Variants in DMD observed in about 807,000 individuals in gnomAD.
DMD encodes dystrophin, also known as mutant dystrophin.
In DMD, 63 loss-of-function variants were observed where a neutral mutation model predicts 330.1. That is an observed-to-expected ratio of 0.19 (90% CI 0.16 to 0.24). DMD has a LOEUF of 0.24. DMD is among the 10% of genes least tolerant of loss of function. The probability of loss-of-function intolerance (pLI) is 1.00; values close to 1 mark genes in which losing one functional copy is unlikely to be tolerated. For synonymous variants in DMD, 1,223 were observed against 959.8 expected, an observed-to-expected ratio of 1.27 and a Z score of -5.07; for missense variants, 3,344 against 2,684.1, an observed-to-expected ratio of 1.25 and a Z score of -5.43.
At chrX:32,738,491 T>C (rs1343477152) in intron 7 of DMD, among the ~76,000 whole-genome samples, 1 of 111,629 alleles carries the variant, frequency 9.0e-6, no homozygotes, top group Non-Finnish European at 1.9e-5. Flanking sequence ...AAAGCAATTG[T>C]AAGGCTTAAA....
chrX:32,733,510 G>A (rs987680147), intron 7 of DMD, among the ~76,000 whole-genome samples: 12 of 110,798 alleles, frequency 1.1e-4, no homozygotes, highest in African/African-American at 4.0e-4. Flanking sequence ...CACATACTTG[G>A]AAGTAAAGCT....
intron 2 of DMD, 28 bp downstream of exon 2, chrX:33,020,111 T>G: frequency 8.7e-7 from 1 of 1,153,044 alleles, no homozygotes; most frequent in Non-Finnish European, 1.2e-6. Flanking sequence ...ACTTAGATCT[T>G]AAAAGTAAAG....
chrX:33,046,572 T>C (rs2147968410), intron 1 of DMD, among the ~76,000 whole-genome samples: 1 of 112,272 alleles, frequency 8.9e-6, no homozygotes, highest in South Asian at 3.7e-4. Context: ...ACTCTATCCA[T>C]TGATTGCCCA....
At chrX:32,404,470 A>G (rs774142021) in intron 30 of DMD, among the ~76,000 whole-genome samples, 1 of 111,432 alleles carries the variant, frequency 9.0e-6, no homozygotes, top group South Asian at 3.8e-4. Context: ...AAAAAATGAG[A>G]TCAGAATTCT....
intron 6 of DMD, among the ~76,000 whole-genome samples, chrX:32,812,734 C>A (rs2148777378): frequency 8.9e-6 from 1 of 112,312 alleles, no homozygotes; most frequent in Admixed American, 9.4e-5. Flanking sequence ...GAAATCGAAT[C>A]CCTCCATATT....
chrX:32,152,269 G>T (rs1380451269), intron 44 of DMD, among the ~76,000 whole-genome samples: 1 of 111,362 alleles, frequency 9.0e-6, no homozygotes, highest in East Asian at 2.8e-4. Context: ...TTTTAAAGAT[G>T]GGGGGTGGGC....
At chrX:32,459,122 G>T (rs962275645) in intron 25 of DMD, among the ~76,000 whole-genome samples, 1 of 110,650 alleles carries the variant, frequency 9.0e-6, no homozygotes, top group Non-Finnish European at 1.9e-5. Flanking sequence ...ATACTGTATT[G>T]TTAAAAATAT....
chrX:32,951,507 C>A (rs1477536732), intron 2 of DMD, among the ~76,000 whole-genome samples: 1 of 111,563 alleles, frequency 9.0e-6, no homozygotes, highest in Non-Finnish European at 1.9e-5. Context: ...CTGACATATT[C>A]TATTACCTTA....
intron 43 of DMD, among the ~76,000 whole-genome samples, chrX:32,229,713 TATATATATATATAA>T (rs2097161783): frequency 8.5e-5 from 7 of 81,877 alleles, no homozygotes; most frequent in African/African-American, 3.2e-4. Context: ...TATATATATA[TATATATATATATAA>T]AATCAAAGAG....
chrX:32,990,390 A>T (rs1342685733), intron 2 of DMD, among the ~76,000 whole-genome samples: 1 of 111,826 alleles, frequency 8.9e-6, no homozygotes, highest in South Asian at 3.7e-4. Flanking sequence ...AGTGCAGTGT[A>T]ATTCATCAGT....
At chrX:32,382,437 T>A (rs774307882) in intron 33 of DMD, among the ~76,000 whole-genome samples, 1 of 110,845 alleles carries the variant, frequency 9.0e-6, no homozygotes, top group South Asian at 3.7e-4. Flanking sequence ...ACACAAAAGA[T>A]AAAAATATGT....
intron 21 of DMD, among the ~76,000 whole-genome samples, chrX:32,474,783 ATT>A (rs2041052237): frequency 2.7e-5 from 3 of 111,166 alleles, no homozygotes; most frequent in African/African-American, 3.3e-5. Context: ...GATTGTGAAG[ATT>A]TTATCCCACT....
At chrX:32,021,962 A>G (rs187827393) in intron 44 of DMD, among the ~76,000 whole-genome samples, 2 of 112,119 alleles carry the variant, frequency 1.8e-5, no homozygotes, top group African/African-American at 6.5e-5. Flanking sequence ...TTCACCCTTA[A>G]GGATAAAAGG....
At chrX:31,371,762 A>G (rs748912106) in intron 60 of DMD, among the ~76,000 whole-genome samples, 4 of 111,829 alleles carry the variant, frequency 3.6e-5, no homozygotes, top group Non-Finnish European at 7.5e-5. Context: ...ACATACAAGG[A>G]GACAGAAAGA....
intron 67 of DMD, among the ~76,000 whole-genome samples, chrX:31,202,733 T>C (rs1389263430): frequency 9.0e-6 from 1 of 111,466 alleles, no homozygotes; most frequent in Non-Finnish European, 1.9e-5. Flanking sequence ...AAACCCTACA[T>C]AAGAAAAACA....
At chrX:32,568,487 A>G (rs1237072115) in intron 15 of DMD, among the ~76,000 whole-genome samples, 1 of 103,325 alleles carries the variant, frequency 9.7e-6, no homozygotes, top group East Asian at 3.2e-4. Context: ...AGCCTGGGCA[A>G]CAGAGCAAGA....
intron 44 of DMD, among the ~76,000 whole-genome samples, chrX:31,978,290 C>CT (rs1017953989): frequency 2.8e-5 from 3 of 109,048 alleles, no homozygotes; most frequent in African/African-American, 1.0e-4. Flanking sequence ...TGTTTTGTCC[C>CT]TTTTTTTTTC....
intron 55 of DMD, among the ~76,000 whole-genome samples, chrX:31,617,494 A>T (rs2078265922): frequency 1.1e-5 from 1 of 93,483 alleles, no homozygotes. Flanking sequence ...AGATTGCGCC[A>T]TTGCACTCCA....
intron 44 of DMD, among the ~76,000 whole-genome samples, chrX:32,015,153 T>C (rs2095750286): frequency 8.9e-6 from 1 of 111,864 alleles, no homozygotes; most frequent in Non-Finnish European, 1.9e-5. Flanking sequence ...AGATGTGATC[T>C]GGGCCCGGAA....
Sources: allele counts gnomAD v4.1 joint callset (sites outside exome capture counted in the v4.1 genomes callset), GRCh38; gene constraint gnomAD v4.1.1; transcripts MANE v1.5; gene names NCBI Gene and HGNC (gene_info 2026-07-23, HGNC 2026-07-21).